GDPD4: variants seen among roughly 807,000 people sequenced by gnomAD.
GDPD4 encodes the protein glycerophosphodiester phosphodiesterase 6.
A neutral mutation model predicts 67.8 loss-of-function variants in GDPD4; 60 were observed. That is an observed-to-expected ratio of 0.88 (90% CI 0.72 to 1.10). The LOEUF is 1.10. Among genes scored for constraint, GDPD4 ranks in the 50% least tolerant of loss-of-function variants. GDPD4 has a pLI of 0.00. For missense variants in GDPD4, 623 were observed against 613.9 expected, an observed-to-expected ratio of 1.01 and a Z score of -0.16; for synonymous variants, 212 against 210.9, an observed-to-expected ratio of 1.00 and a Z score of -0.04.
At chr11:77,264,814 C>T (rs144513270) in intron 10 of GDPD4, among the ~76,000 whole-genome samples, 1 of 152,102 alleles carries the variant, frequency 6.6e-6, no homozygotes, top group Non-Finnish European at 1.5e-5. Flanking sequence ...AATATGCCAC[C>T]CCAATATATA....
chr11:77,272,395 A>G (rs1293026776), intron 5 of GDPD4, among the ~76,000 whole-genome samples: 1 of 152,220 alleles, frequency 6.6e-6, no homozygotes. Flanking sequence ...GAATTGCCAG[A>G]GTCATAAGAA....
At chr11:77,221,200 ATTTTTTTGAAGGG>A (rs1958217999) in intron 16 of GDPD4, among the ~76,000 whole-genome samples, 1 of 151,896 alleles carries the variant, frequency 6.6e-6, no homozygotes, top group South Asian at 2.1e-4. Context: ...TCCTGGATTG[ATTTTTTTGAAGGG>A]TTTTTTTGTG....
intron 11 of GDPD4, among the ~76,000 whole-genome samples, chr11:77,251,269 A>AT (rs539891008): frequency 2.8e-4 from 42 of 150,336 alleles, no homozygotes; most frequent in Admixed American, 1.1e-3. Flanking sequence ...AAAAGGTTTG[A>AT]TTTTTTTTTC....
intron 10 of GDPD4, 78 bp from the exon 11 acceptor site, chr11:77,258,620 G>T: frequency 7.5e-7 from 1 of 1,330,248 alleles, no homozygotes; most frequent in Non-Finnish European, 1.1e-6. Context: ...TCCCCAGACA[G>T]TCCTTCAAGG....
intron 16 of GDPD4, chr11:77,224,169 CCTGCTT>C (rs1384106760): frequency 1.3e-5 from 2 of 152,166 alleles, no homozygotes; most frequent in Admixed American, 6.6e-5. Context: ...GATGTCCTGC[CCTGCTT>C]CTGCTTGCCC....
chr11:77,244,054 C>T (rs1427350177), intron 12 of GDPD4, among the ~76,000 whole-genome samples: 4 of 152,134 alleles, frequency 2.6e-5, no homozygotes, highest in Admixed American at 6.5e-5. Flanking sequence ...CTCGCTCTGT[C>T]GCCCAGGCTG....
intron 13 of GDPD4, among the ~76,000 whole-genome samples, chr11:77,233,473 G>GAAAAGGA (rs1310662370): frequency 7.4e-5 from 11 of 149,290 alleles, no homozygotes; most frequent in Non-Finnish European, 1.5e-4. Flanking sequence ...AAAGAATGGG[G>GAAAAGGA]AAAAGGAAAA....
At chr11:77,268,794 A>C in intron 9 of GDPD4, 130 bp downstream of exon 9, 1 of 965,722 alleles carries the variant, frequency 1.0e-6, no homozygotes, top group South Asian at 1.6e-5. Flanking sequence ...TTTACAATGA[A>C]CTCTTTATTC....
At chr11:77,220,566 T>C (rs1958206763) in intron 16 of GDPD4, among the ~76,000 whole-genome samples, 2 of 152,314 alleles carry the variant, frequency 1.3e-5, no homozygotes, top group East Asian at 3.9e-4. Context: ...AACTTGATCT[T>C]GGTAGATTAG....
At chr11:77,228,865 G>A (rs114856135) in intron 15 of GDPD4, among the ~76,000 whole-genome samples, 1 of 152,154 alleles carries the variant, frequency 6.6e-6, no homozygotes, top group Non-Finnish European at 1.5e-5. Context: ...CACTTGTTCT[G>A]GACAATATTC....
At chr11:77,289,614 A>G (rs1425229123) in intron 1 of GDPD4, among the ~76,000 whole-genome samples, 1 of 147,782 alleles carries the variant, frequency 6.8e-6, no homozygotes, top group Admixed American at 6.8e-5. Context: ...ATCTATAATC[A>G]CAGTTACTTG....
At chr11:77,300,007 G>A (rs1938105780) in intron 1 of GDPD4, among the ~76,000 whole-genome samples, 1 of 152,196 alleles carries the variant, frequency 6.6e-6, no homozygotes, top group Admixed American at 6.5e-5. Flanking sequence ...AGTACTATTA[G>A]ATATGAGTTC....
At chr11:77,219,264 T>C (rs1174985502) in intron 16 of GDPD4, among the ~76,000 whole-genome samples, 4 of 152,264 alleles carry the variant, frequency 2.6e-5, no homozygotes, top group Non-Finnish European at 4.4e-5. Flanking sequence ...TTAAGTTCTT[T>C]GTAGATTCCA....
At chr11:77,279,527 G>T in intron 3 of GDPD4, 128 bp from the exon 4 acceptor site, 1 of 563,308 alleles carries the variant, frequency 1.8e-6, no homozygotes, top group Non-Finnish European at 3.2e-6. Flanking sequence ...AGCAGTGTGT[G>T]AACAGCAGCT....
intron 13 of GDPD4, among the ~76,000 whole-genome samples, chr11:77,243,340 T>C (rs948747411): frequency 1.1e-4 from 16 of 152,318 alleles, no homozygotes; most frequent in East Asian, 7.7e-4. Flanking sequence ...CATCTGGTAA[T>C]GGTAGGAGGA....
intron 1 of GDPD4, among the ~76,000 whole-genome samples, chr11:77,290,391 T>C (rs1262640930): frequency 6.6e-6 from 1 of 152,136 alleles, no homozygotes; most frequent in Non-Finnish European, 1.5e-5. Flanking sequence ...AACAAATTTG[T>C]AAAAATCTAA....
chr11:77,217,044 G>T lies in GDPD4; in HGVS notation c.*233C>A. ...CTTGTAGCCTGCCTGGTGGGTGCTT[G>T]GGTGAGTTCAAAGACCACGGTGGGC... On this transcript the variant is annotated 3_prime_UTR_variant, in exon 17 of 17. Transcript: ENST00000315938. The T allele has an allele frequency of 1.4e-6, 1 of 703,932 alleles. No homozygotes were observed. Among genetic ancestry groups the T allele is most frequent in the Non-Finnish European group, 2.6e-6 (1 of 385,022 alleles). 43.6% of individuals were successfully genotyped at this position (703,932 alleles called of 1,614,324 possible). A position where few individuals can be genotyped will look rare whatever the true frequency, so the allele number is the denominator to read the frequency against.
intron 11 of GDPD4, among the ~76,000 whole-genome samples, chr11:77,255,514 A>G (rs1958986625): frequency 6.6e-6 from 1 of 152,110 alleles, no homozygotes; most frequent in Non-Finnish European, 1.5e-5. Context: ...CAGTGTGCCG[A>G]GATCATGCCA....
In GDPD4 at chr11:77,279,403, A is replaced by G. The variant is rs766773485; in HGVS notation, c.54-4T>C. 6.4e-7 allele frequency: 1 copy of G among 1,562,978 alleles called. No homozygotes were observed. The highest frequency in any genetic ancestry group is 8.8e-7 in the Non-Finnish European group (1 of 1,135,510). On this transcript the variant is annotated splice_region_variant and splice_polypyrimidine_tract_variant and intron_variant, in intron 3 of 16. Coordinates refer to ENST00000315938, the MANE Select transcript of GDPD4 (RefSeq NM_182833.3). ...TCCTGTTCCTAGAAAAGTGACCCTG[A>G]AAAAAAATGTGTTTCAGTTCTTAAA...
Sources: gnomAD v4.1 joint callset for allele counts (sites outside exome capture counted in the v4.1 genomes callset) on GRCh38, gnomAD v4.1.1 for gene constraint, MANE v1.5 for transcripts, NCBI Gene and HGNC (gene_info 2026-07-23, HGNC 2026-07-21) for gene names.